MYPN: variants seen among roughly 807,000 people sequenced by gnomAD.
MYPN encodes the protein sarcomeric protein myopalladin, 145 kDa (MYOP).
In MYPN, 63 loss-of-function variants were observed where a neutral mutation model predicts 129.4. The observed-to-expected ratio is 0.49, with a 90% CI of 0.40 to 0.60. MYPN has a LOEUF of 0.60. Ranked by LOEUF, MYPN falls within the 20% of genes least tolerant of loss-of-function variation. The probability of loss-of-function intolerance (pLI) is 0.00; values close to 1 mark genes in which losing one functional copy is unlikely to be tolerated. For synonymous variants in MYPN, 629 were observed against 600.9 expected, an observed-to-expected ratio of 1.05 and a Z score of -0.68; for missense variants, 1,596 against 1,635.4, an observed-to-expected ratio of 0.98 and a Z score of 0.42.
intron 8 of MYPN, 45 bp downstream of exon 8, chr10:68,161,797 T>A: frequency 7.1e-7 from 1 of 1,406,332 alleles, no homozygotes; most frequent in Non-Finnish European, 1.0e-6. Context: ...TGAGTGATTT[T>A]ATATATACAA....
intron 1 of MYPN, among the ~76,000 whole-genome samples, chr10:68,118,103 A>G (rs1325189272): frequency 1.3e-5 from 2 of 152,186 alleles, no homozygotes; most frequent in Non-Finnish European, 2.9e-5. Context: ...TATCATAACC[A>G]TAAACATAAG....
At chr10:68,197,126 T>C (rs1018378273) in intron 15 of MYPN, among the ~76,000 whole-genome samples, 2 of 152,152 alleles carry the variant, frequency 1.3e-5, no homozygotes, top group African/African-American at 4.8e-5. Flanking sequence ...CCTGTTTATT[T>C]GATTGCAGAT....
chr10:68,158,541 T>G lies in MYPN; in HGVS notation c.1373T>G (p.Val458Gly). 1 of 1,613,664 alleles carries G rather than the reference T, an allele frequency of 6.2e-7. No individual in the cohort carries two copies. The highest frequency in any genetic ancestry group is 8.5e-7 in the Non-Finnish European group (1 of 1,179,548). ...EGQLVVFECR[V>G]KGAPSPKVEW... The stretch of plus-strand genomic sequence containing the variant: ...CAGCTGGTTGTCTTTGAATGCAGAG[T>G]AAAAGGAGCTCCATCTCCTAAGGTT... Residue 458 changes from valine to glycine, a missense_variant, in exon 7 of 20, where the codon GTA (valine) becomes GGA (glycine). Coordinates refer to ENST00000358913, the MANE Select transcript of MYPN (RefSeq NM_032578.4).
intron 1 of MYPN, among the ~76,000 whole-genome samples, chr10:68,120,655 C>G (rs1366066955): frequency 6.6e-6 from 1 of 152,152 alleles, no homozygotes; most frequent in Non-Finnish European, 1.5e-5. Context: ...AGATCAAGTT[C>G]ATATTTTCAG....
chr10:68,158,836 T>C (rs1337195849), intron 7 of MYPN, among the ~76,000 whole-genome samples: 1 of 152,234 alleles, frequency 6.6e-6, no homozygotes, highest in Non-Finnish European at 1.5e-5. Flanking sequence ...ATATTCTTTT[T>C]TGTAAATTAA....
At chr10:68,116,755 G>A (rs1156717367) in intron 1 of MYPN, among the ~76,000 whole-genome samples, 1 of 151,676 alleles carries the variant, frequency 6.6e-6, no homozygotes, top group Non-Finnish European at 1.5e-5. Flanking sequence ...AGAAAGAAAA[G>A]AAAGAAAAAA....
At chr10:68,161,686 A>T in intron 7 of MYPN, 43 bp from the exon 8 acceptor site, 2 of 1,551,108 alleles carry the variant, frequency 1.3e-6, no homozygotes, top group African/African-American at 1.4e-5. Context: ...GTAGTTTCTC[A>T]GTAAAATAAA....
chr10:68,210,483 G>C lies in MYPN; in HGVS notation c.*28G>C, dbSNP rs939221726. ...ATGTCTAGGTACCTGCTGTGTAAGA[G>C]AGCGGACTGTGGAGGGGGAATGAGA... On this transcript the variant is annotated 3_prime_UTR_variant, in exon 20 of 20. Transcript: ENST00000358913. The C allele has an allele frequency of 5.1e-5, 83 of 1,613,056 alleles. No individual in the cohort carries two copies. Among genetic ancestry groups the C allele is most frequent in the Admixed American group, 4.5e-4 (27 of 60,006 alleles).
chr10:68,137,686 G>A (rs1471159050), intron 2 of MYPN, among the ~76,000 whole-genome samples: 1 of 151,886 alleles, frequency 6.6e-6, no homozygotes, highest in African/African-American at 2.4e-5. Context: ...TTACCGTGGA[G>A]AATACAAGTT....
intron 6 of MYPN, among the ~76,000 whole-genome samples, chr10:68,157,847 A>ATAAC (rs1554843998): frequency 5.8e-5 from 5 of 86,272 alleles, no homozygotes; most frequent in African/African-American, 1.5e-4. Context: ...GTCTCAGAAA[A>ATAAC]AAACAAACAA....
chr10:68,160,824 G>C (rs534408320), intron 7 of MYPN, among the ~76,000 whole-genome samples: 139 of 152,288 alleles, frequency 9.1e-4, no homozygotes, highest in Non-Finnish European at 1.8e-3. Flanking sequence ...GCCTGAGGTA[G>C]GAGAATCACT....
At chr10:68,179,540 G>C (rs1218615782) in intron 12 of MYPN, among the ~76,000 whole-genome samples, 1 of 152,082 alleles carries the variant, frequency 6.6e-6, no homozygotes. Flanking sequence ...AGAAAAGTTT[G>C]GATTTGTTGC....
At chr10:68,115,897 A>T (rs946041856) in intron 1 of MYPN, among the ~76,000 whole-genome samples, 1 of 152,192 alleles carries the variant, frequency 6.6e-6, no homozygotes, top group Admixed American at 6.5e-5. Flanking sequence ...TCTGTCAGGA[A>T]CATTTTTTTT....
intron 1 of MYPN, among the ~76,000 whole-genome samples, chr10:68,088,332 A>G (rs914612257): frequency 6.6e-6 from 1 of 152,218 alleles, no homozygotes; most frequent in Non-Finnish European, 1.5e-5. Context: ...GAAACTGCAG[A>G]GCCAAGAAGG....
At position 68,166,372 on chromosome 10, in the gene MYPN, C is replaced by T; in HGVS notation, c.1679C>T (p.Pro560Leu). ...TTNLAAIEPQ[P>L]SPPHSEPPSV... ...AACCTGGCAGCTATTGAGCCACAGCCCTCCCCACCCCACTCAGAGCCTCCA... is the reference window on the plus strand; with the variant it reads ...AACCTGGCAGCTATTGAGCCACAGCTCTCCCCACCCCACTCAGAGCCTCCA... Residue 560 changes from proline to leucine, a missense_variant, in exon 10 of 20, where the codon CCC (proline) becomes CTC (leucine). Pro to Leu is a moderately conservative substitution (Grantham distance 98). Transcript: ENST00000358913. The T allele has an allele frequency of 6.2e-7, 1 of 1,614,032 alleles. No individual in the cohort carries two copies. Among genetic ancestry groups the T allele is most frequent in the South Asian group, 1.1e-5 (1 of 91,074 alleles).
intron 3 of MYPN, 123 bp downstream of exon 3, chr10:68,143,238 A>G: frequency 1.2e-6 from 1 of 855,274 alleles, no homozygotes; most frequent in Non-Finnish European, 1.8e-6. Context: ...ACAGCAGTGA[A>G]CCGAGTAGAA....
intron 1 of MYPN, among the ~76,000 whole-genome samples, chr10:68,095,118 T>G (rs1193304561): frequency 6.6e-6 from 1 of 151,954 alleles, no homozygotes; most frequent in Non-Finnish European, 1.5e-5. Context: ...CTGTGGTGGA[T>G]GGATTGCTTG....
chr10:68,208,148 A>G (rs759201260), intron 19 of MYPN, among the ~76,000 whole-genome samples: 57 of 152,244 alleles, frequency 3.7e-4, no homozygotes, highest in Non-Finnish European at 3.1e-4. Context: ...TTAACCCAAA[A>G]GAGTGGTTTT....
At chr10:68,107,259 T>C (rs1044602330), upstream of MYPN, among the ~76,000 whole-genome samples, 2 of 152,082 alleles carry the variant, frequency 1.3e-5, no homozygotes, top group Non-Finnish European at 2.9e-5. Context: ...AAATTGTGTA[T>C]GGTATCTGTA....
Sources: gnomAD v4.1 joint callset for allele counts (sites outside exome capture counted in the v4.1 genomes callset) on GRCh38, gnomAD v4.1.1 for gene constraint, MANE v1.5 for transcripts, NCBI Gene and HGNC (gene_info 2026-07-23, HGNC 2026-07-21) for gene names.